Variants in ZNF254 observed in about 807,000 individuals in gnomAD.
The protein encoded by ZNF254 is zinc finger protein 254.
A neutral mutation model predicts 12.4 loss-of-function variants in ZNF254; 10 were observed. The ratio of observed to expected loss-of-function variants is 0.80; its 90% CI spans 0.50 to 1.36. The LOEUF is 1.36. ZNF254 is among the 40% of genes most tolerant of loss of function. ZNF254 has a pLI of 0.00. For synonymous variants in ZNF254, 305 were observed against 253.4 expected (o/e 1.20, Z -1.93); for missense variants, 996 against 763.9 (o/e 1.30, Z -3.58).
At chr19:24,098,454 T>C (rs1972798852) in intron 1 of ZNF254, 1 of 152,206 alleles carries the variant, frequency 6.6e-6, no homozygotes. Flanking sequence ...TTGTCAAATA[T>C]ATTTCAATAT....
chr19:24,087,134 T>C, upstream of ZNF254: 1 of 734,978 alleles, frequency 1.4e-6, no homozygotes, highest in Non-Finnish European at 2.3e-6. Flanking sequence ...CTGGGAACTG[T>C]CCAATCAGGC....
At chr19:24,068,586 C>T (rs1423713253) in intron 2 of ZNF254, among the ~76,000 whole-genome samples, 1 of 152,174 alleles carries the variant, frequency 6.6e-6, no homozygotes, top group African/African-American at 2.4e-5. Flanking sequence ...CCAGCATGAG[C>T]CACTGCACCC....
rs527986861 is a variant in ZNF254, at chr19:24,088,247, G to T, written c.30+910G>T. ...TTACATTTAAGGTGGGAATATCCTGGTTATGTAATCAGAGCTTAATTGTCA... is the reference window on the plus strand; with the variant it reads ...TTACATTTAAGGTGGGAATATCCTGTTTATGTAATCAGAGCTTAATTGTCA... On this transcript the variant is annotated intron_variant, in intron 1 of 3. Coordinates refer to ENST00000357002, the MANE Select transcript of ZNF254 (RefSeq NM_203282.4). 6.6e-5 allele frequency among the ~76,000 whole-genome samples: 10 copies of T among 152,148 alleles called. No individual in the cohort carries two copies. The East Asian group carries it at 1.9e-3, about 29-fold the overall frequency.
chr19:24,042,809 A>G (rs1220258087), intron 1 of ZNF254, among the ~76,000 whole-genome samples: 1 of 152,196 alleles, frequency 6.6e-6, no homozygotes, highest in Non-Finnish European at 1.5e-5. Flanking sequence ...CCATCTGTGC[A>G]TTGGCCTCTG....
chr19:24,127,619 A>G lies in ZNF254; in HGVS notation c.1619A>G (p.His540Arg), dbSNP rs375337378. The G allele has an allele frequency of 3.1e-6, 5 of 1,608,396 alleles. No individual in the cohort carries two copies. Among genetic ancestry groups the G allele is most frequent in the East Asian group, 2.3e-5 (1 of 44,270 alleles). ...ACTCTTACTAAACATAAGATAATTC[A>G]TACTGAAGAGAAACCCTACAAATGT... ...SSTLTKHKIIHTEEKPYKCEK... is the reference protein window; with the variant it reads ...SSTLTKHKIIRTEEKPYKCEK... Residue 540 changes from histidine (H) to arginine (R), a missense_variant, in exon 4 of 4, where the codon CAT (histidine) becomes CGT (arginine). Physicochemically the swap from His to Arg is conservative, Grantham distance 29. Transcript: ENST00000357002.
chr19:24,094,302 G>A (rs1026168138), intron 1 of ZNF254, among the ~76,000 whole-genome samples: 37 of 151,830 alleles, frequency 2.4e-4, no homozygotes, highest in African/African-American at 8.7e-4. Flanking sequence ...CTTGCTCTTC[G>A]CCCAGGCTGG....
In ZNF254 at chr19:24,129,800, G is replaced by A. The variant is rs767274737; in HGVS notation, c.*1820G>A. 12 of 151,650 alleles carry A rather than the reference G, an allele frequency of 7.9e-5. No individual in the cohort carries two copies. Among genetic ancestry groups the A allele is most frequent in the East Asian group, 3.9e-4 (2 of 5,168 alleles). The allele number at this position is 151,650 out of a possible 1,614,324, so 9.4% of individuals were successfully genotyped here. A position where few individuals can be genotyped will look rare whatever the true frequency, so the allele number is the denominator to read the frequency against. ...TCATAATAAAAAATTTTATACAAAC[G>A]TGTAAAATCTATACATTTCTGAGTT... is the stretch of plus-strand genomic sequence containing the variant. On this transcript the variant is annotated 3_prime_UTR_variant, in exon 4 of 4. Coordinates refer to ENST00000357002, the MANE Select transcript of ZNF254 (RefSeq NM_203282.4).
chr19:24,108,560 A>G (rs1973474252), intron 3 of ZNF254, among the ~76,000 whole-genome samples: 1 of 152,160 alleles, frequency 6.6e-6, no homozygotes, highest in South Asian at 2.1e-4. Context: ...TATTTTGATC[A>G]AAAGCAATTC....
chr19:24,049,214 A>ATATATATTTTTTTTTTTTTTTTTTTT (rs1160333151), intron 2 of ZNF254, among the ~76,000 whole-genome samples: 1 of 40,892 alleles, frequency 2.4e-5, no homozygotes, highest in African/African-American at 1.4e-4. Context: ...ATATATATAT[A>ATATATATTTTTTTTTTTTTTTTTTTT]TTTTTTTTTT....
intron 2 of ZNF254, among the ~76,000 whole-genome samples, chr19:24,047,218 A>G (rs1568424999): frequency 6.7e-6 from 1 of 148,808 alleles, no homozygotes; most frequent in African/African-American, 2.5e-5. Context: ...CTCTCTTTCT[A>G]TGTGTCTTTC....
At chr19:24,036,651 A>G (rs1338792972) in intron 1 of ZNF254, among the ~76,000 whole-genome samples, 4 of 152,208 alleles carry the variant, frequency 2.6e-5, no homozygotes, top group Non-Finnish European at 4.4e-5. Flanking sequence ...AATATCACAG[A>G]TATTTGAGCT....
intron 3 of ZNF254, among the ~76,000 whole-genome samples, chr19:24,112,969 AGAGTAAACCAG>A (rs1330040383): frequency 6.6e-6 from 1 of 152,234 alleles, no homozygotes; most frequent in Non-Finnish European, 1.5e-5. Context: ...CACTCTCCCA[AGAGTAAACCAG>A]GAAGAAGCTG....
At chr19:24,067,786 T>C (rs1971331274) in intron 2 of ZNF254, among the ~76,000 whole-genome samples, 1 of 152,112 alleles carries the variant, frequency 6.6e-6, no homozygotes, top group Non-Finnish European at 1.5e-5. Context: ...TTCTCTTGCC[T>C]GGACCCTACA....
chr19:24,106,523 C>G (rs1973349811), intron 2 of ZNF254, 25 bp from the exon 3 acceptor site: 1 of 1,544,990 alleles, frequency 6.5e-7, no homozygotes. Context: ...AAGCAAGATT[C>G]ATTTAGTTAT....
At chr19:24,049,726 C>T (rs1433609550) in intron 2 of ZNF254, among the ~76,000 whole-genome samples, 1 of 151,796 alleles carries the variant, frequency 6.6e-6, no homozygotes, top group African/African-American at 2.4e-5. Context: ...CTGTGCCCTG[C>T]CCATGTGGCC....
intron 3 of ZNF254, among the ~76,000 whole-genome samples, chr19:24,118,305 G>T (rs1472967803): frequency 6.6e-6 from 1 of 152,028 alleles, no homozygotes; most frequent in East Asian, 1.9e-4. Context: ...GCCCGCATCA[G>T]CCTCCCAAAG....
chr19:24,122,998 A>C (rs527241397), intron 3 of ZNF254, among the ~76,000 whole-genome samples: 35 of 152,014 alleles, frequency 2.3e-4, no homozygotes, highest in Admixed American at 1.4e-3. Context: ...TTATTTTTTG[A>C]AGATTGTTGG....
intron 3 of ZNF254, among the ~76,000 whole-genome samples, chr19:24,109,918 C>T (rs1363424631): frequency 4.7e-5 from 7 of 149,136 alleles, no homozygotes; most frequent in Non-Finnish European, 1.0e-4. Flanking sequence ...TTAGTAGAGA[C>T]GGGGTTTGCC....
intron 2 of ZNF254, among the ~76,000 whole-genome samples, chr19:24,052,325 G>A (rs1970679443): frequency 6.6e-6 from 1 of 152,214 alleles, no homozygotes; most frequent in Non-Finnish European, 1.5e-5. Context: ...CTTAGGTGAT[G>A]TGATTCTTTT....
Sources: gnomAD v4.1 joint callset for allele counts (sites outside exome capture counted in the v4.1 genomes callset) on GRCh38, gnomAD v4.1.1 for gene constraint, MANE v1.5 for transcripts, NCBI Gene and HGNC (gene_info 2026-07-23, HGNC 2026-07-21) for gene names.